TRPM3: variants seen among roughly 807,000 people sequenced by gnomAD.
TRPM3 encodes transient receptor potential cation channel subfamily M member 3.
In TRPM3, 77 loss-of-function variants were observed where a neutral mutation model predicts 181.2. The ratio of observed to expected loss-of-function variants is 0.42; its 90% CI spans 0.35 to 0.51. The LOEUF (loss-of-function observed/expected upper bound fraction) is 0.51, where lower values mean the gene tolerates loss of function less well. Ranked by LOEUF, TRPM3 falls within the 20% of genes least tolerant of loss-of-function variation. The pLI is 0.01. For synonymous variants in TRPM3, 745 were observed against 796.4 expected (o/e 0.94, Z 1.09); for missense variants, 1,759 against 2,196.7 (o/e 0.80, Z 3.98).
intron 1 of TRPM3, among the ~76,000 whole-genome samples, chr9:71,028,775 C>T (rs552471656): frequency 1.0e-3 from 155 of 152,194 alleles, no homozygotes; most frequent in Middle Eastern, 6.8e-3. Flanking sequence ...AATATATATG[C>T]ACCCACCACA....
intron 1 of TRPM3, among the ~76,000 whole-genome samples, chr9:71,232,772 A>C (rs12350547): frequency 1.3e-5 from 2 of 151,896 alleles, no homozygotes; most frequent in African/African-American, 4.8e-5. Flanking sequence ...TGCTAGGATT[A>C]CAGGAGTGAG....
At chr9:70,573,534 A>G (rs2053030146) in intron 22 of TRPM3, among the ~76,000 whole-genome samples, 1 of 152,214 alleles carries the variant, frequency 6.6e-6, no homozygotes, top group South Asian at 2.1e-4. Context: ...TTACACACAC[A>G]GTCTGGGCTC....
intron 1 of TRPM3, among the ~76,000 whole-genome samples, chr9:70,895,593 AT>A (rs1167669011): frequency 1.1e-4 from 16 of 152,230 alleles, no homozygotes; most frequent in Admixed American, 2.0e-4. Context: ...AATTCCCAGT[AT>A]TATGAGCAAA....
chr9:70,629,220 G>GCGC (rs1392859607), intron 12 of TRPM3, among the ~76,000 whole-genome samples: 2 of 75,172 alleles, frequency 2.7e-5, no homozygotes, highest in Non-Finnish European at 5.9e-5. Flanking sequence ...AGTGCCGGGG[G>GCGC]GGGGGGGGGC....
At chr9:70,664,878 G>T (rs371818383) in intron 9 of TRPM3, among the ~76,000 whole-genome samples, 7 of 152,094 alleles carry the variant, frequency 4.6e-5, no homozygotes, top group Admixed American at 2.6e-4. Flanking sequence ...TACAACTCCT[G>T]ACCTCAAGTG....
chr9:70,598,740 C>T, intron 20 of TRPM3, 70 bp from the exon 21 acceptor site: 1 of 1,555,986 alleles, frequency 6.4e-7, no homozygotes, highest in Non-Finnish European at 8.7e-7. Context: ...TTGGGAAGTG[C>T]TTGGTCTGTT....
At chr9:71,212,938 G>A (rs2079600481) in intron 1 of TRPM3, among the ~76,000 whole-genome samples, 1 of 152,062 alleles carries the variant, frequency 6.6e-6, no homozygotes, top group African/African-American at 2.4e-5. Flanking sequence ...GGGCAGTGAA[G>A]AACAAAGGCA....
At chr9:71,326,898 G>T (rs1012784993) in intron 1 of TRPM3, among the ~76,000 whole-genome samples, 1 of 152,176 alleles carries the variant, frequency 6.6e-6, no homozygotes, top group African/African-American at 2.4e-5. Context: ...AGTGCACGGA[G>T]GAGAGAACAA....
chr9:71,215,449 C>G lies in TRPM3; in HGVS notation c.183+231204G>C, dbSNP rs140645082. Among the ~76,000 whole-genome samples, 434 of 152,280 alleles carry G rather than the reference C, an allele frequency of 2.9e-3. 1 individual carries two copies. Among genetic ancestry groups the G allele is most frequent in the Non-Finnish European group, 5.1e-3 (346 of 68,026 alleles). Reference sequence around the variant, plus strand: ...TGCAATTCATTGCTGATCAGGATTACAAGTTTAATTTTAGGATCCATTGGA... The same window carrying G: ...TGCAATTCATTGCTGATCAGGATTAGAAGTTTAATTTTAGGATCCATTGGA... On this transcript the variant is annotated intron_variant, in intron 1 of 24. Coordinates refer to the TRPM3 transcript ENST00000357533.
At chr9:70,596,467 C>G (rs985925441) in intron 21 of TRPM3, among the ~76,000 whole-genome samples, 1 of 152,162 alleles carries the variant, frequency 6.6e-6, no homozygotes. Flanking sequence ...CATGGTGGCT[C>G]ACACCTGTAA....
intron 1 of TRPM3, among the ~76,000 whole-genome samples, chr9:71,295,529 G>GATTATGAATCCCAAATAGCCATTTCTA (rs1454789891): frequency 1.4e-5 from 2 of 145,526 alleles, no homozygotes; most frequent in African/African-American, 5.1e-5. Flanking sequence ...TGTATCTAAA[G>GATTATGAATCCCAAATAGCCATTTCTA]TCTCTGAAAT....
At chr9:70,649,535 T>C (rs778399960) in intron 9 of TRPM3, among the ~76,000 whole-genome samples, 16 of 152,126 alleles carry the variant, frequency 1.1e-4, no homozygotes, top group Middle Eastern at 3.4e-3. Flanking sequence ...CCAATAATCA[T>C]GGGGAAAATG....
intron 1 of TRPM3, among the ~76,000 whole-genome samples, chr9:71,175,102 G>A (rs1483158544): frequency 2.0e-5 from 3 of 152,164 alleles, no homozygotes; most frequent in African/African-American, 7.2e-5. Flanking sequence ...CAGAGATGCA[G>A]AGCAGTTCCT....
intron 11 of TRPM3, among the ~76,000 whole-genome samples, chr9:70,638,824 A>G (rs1357440320): frequency 1.3e-5 from 2 of 152,220 alleles, no homozygotes; most frequent in Admixed American, 1.3e-4. Context: ...TGAGAATGAT[A>G]CACTTAGGTT....
intron 1 of TRPM3, among the ~76,000 whole-genome samples, chr9:70,928,973 T>C (rs559505680): frequency 1.3e-5 from 2 of 152,136 alleles, no homozygotes; most frequent in South Asian, 2.1e-4. Flanking sequence ...CAATGAGAAT[T>C]ATTATGATTC....
rs144429978 is a variant in TRPM3 at position 70,556,019 on chromosome 9, G to A, written c.3224-2709C>T. ...CTTGCTCTTTTTGACCCTATATTGA[G>A]GGAAGGCCATGAAGACACTTCCTCC... On this transcript the variant is annotated intron_variant, in intron 22 of 25. Transcript: ENST00000677713. Among the ~76,000 whole-genome samples, 485 of 152,252 alleles carry A rather than the reference G, an allele frequency of 3.2e-3. 1 individual carries two copies. The highest frequency in any genetic ancestry group is 4.7e-3 in the Non-Finnish European group (320 of 68,022).
chr9:71,287,401 T>C (rs1421552569), intron 1 of TRPM3, among the ~76,000 whole-genome samples: 1 of 151,958 alleles, frequency 6.6e-6, no homozygotes, highest in Non-Finnish European at 1.5e-5. Flanking sequence ...ATTTTTATAC[T>C]GGCAATCACT....
At chr9:70,569,334 A>G (rs528723617) in intron 22 of TRPM3, among the ~76,000 whole-genome samples, 1 of 152,358 alleles carries the variant, frequency 6.6e-6, no homozygotes, top group Non-Finnish European at 1.5e-5. Flanking sequence ...TTTATTTAGC[A>G]TAGTAGGGTT....
intron 1 of TRPM3, among the ~76,000 whole-genome samples, chr9:71,445,831 G>A (rs2094196238): frequency 6.6e-6 from 1 of 152,162 alleles, no homozygotes; most frequent in South Asian, 2.1e-4. Context: ...TGATGTTTGG[G>A]AAGTTAAAAG....
Sources: allele counts gnomAD v4.1 joint callset (sites outside exome capture counted in the v4.1 genomes callset), GRCh38; gene constraint gnomAD v4.1.1; transcripts MANE v1.5; gene names NCBI Gene and HGNC (gene_info 2026-07-23, HGNC 2026-07-21).